Variants in GMNC observed in about 807,000 individuals in gnomAD.
GMNC encodes the protein geminin coiled-coil domain-containing protein 1.
A neutral mutation model predicts 33.6 loss-of-function variants in GMNC; 16 were observed. The observed-to-expected ratio is 0.48, with a 90% CI of 0.32 to 0.72. The LOEUF is 0.72. Ranked by LOEUF, GMNC falls within the 30% of genes least tolerant of loss-of-function variation. GMNC has a pLI of 0.03. For missense variants in GMNC, 393 were observed against 388.9 expected, an observed-to-expected ratio of 1.01 and a Z score of -0.09; for synonymous variants, 156 against 147.3, an observed-to-expected ratio of 1.06 and a Z score of -0.43.
the GMNC span, among the ~76,000 whole-genome samples, chr3:190,846,794 T>C: frequency 6.6e-6 from 1 of 152,234 alleles, no homozygotes; most frequent in Non-Finnish European, 1.5e-5. Flanking sequence ...ATTATCTTTA[T>C]TTTTCACTTT....
intron 4 of GMNC, among the ~76,000 whole-genome samples, chr3:190,857,181 A>T (rs1737764738): frequency 6.6e-6 from 1 of 150,636 alleles, no homozygotes; most frequent in South Asian, 2.1e-4. Context: ...GACTACTGGC[A>T]AGTTATTTAT....
intron 3 of GMNC, among the ~76,000 whole-genome samples, chr3:190,858,394 T>TTAAA (rs1361718119): frequency 5.3e-5 from 8 of 152,102 alleles, no homozygotes; most frequent in South Asian, 2.1e-4. Context: ...CCTTGCATGT[T>TTAAA]TAAATAAATA....
Position 190,858,980 on chromosome 3 carries a change from A to G in GMNC, c.215T>C (p.Leu72Ser). 6.4e-7 allele frequency: 1 copy of G among 1,550,462 alleles called. No individual in the cohort carries two copies. ...FSDSNFPLPD[L>S]CSWEEAQLSS... ...AAGCTGAGCCTCTTCCCATGAGCAC[A>G]AGTCCGGAAGAGGAAAATTTGAGTC... The change falls in exon 3 of 5, where the codon TTG becomes TCG. Residue 72 changes from leucine to serine, a missense_variant. Leu to Ser is a moderately radical substitution (Grantham distance 145). Coordinates refer to ENST00000442080, the MANE Select transcript of GMNC (RefSeq NM_001146686.3).
the GMNC span, among the ~76,000 whole-genome samples, chr3:190,843,970 A>T: frequency 6.6e-6 from 1 of 152,220 alleles, no homozygotes. Flanking sequence ...AGTACTACAT[A>T]ACTAGGCAAT....
chr3:190,851,505 T>C (rs1737633718), downstream of GMNC, among the ~76,000 whole-genome samples: 2 of 152,220 alleles, frequency 1.3e-5, no homozygotes, highest in Non-Finnish European at 2.9e-5. Context: ...ATTATTCCCT[T>C]GCTTTGATTA....
At chr3:190,846,840 T>C in the GMNC span, among the ~76,000 whole-genome samples, 2 of 152,234 alleles carry the variant, frequency 1.3e-5, no homozygotes, top group Non-Finnish European at 2.9e-5. Context: ...AATTACACTT[T>C]CTATTTTGAG....
intron 4 of GMNC, among the ~76,000 whole-genome samples, chr3:190,856,420 A>C (rs992759272): frequency 7.6e-6 from 1 of 130,720 alleles, no homozygotes; most frequent in Non-Finnish European, 1.6e-5. Flanking sequence ...TATATTAATA[A>C]ATATTAATTT....
intron 4 of GMNC, 110 bp downstream of exon 4, chr3:190,857,673 T>C (rs752546753): frequency 7.6e-5 from 44 of 577,198 alleles, no homozygotes; most frequent in Non-Finnish European, 1.2e-4. Context: ...CCATCCATCT[T>C]ATAAATGCAT....
the GMNC span, among the ~76,000 whole-genome samples, chr3:190,845,118 T>C: frequency 6.6e-6 from 1 of 152,166 alleles, no homozygotes; most frequent in Non-Finnish European, 1.5e-5. Context: ...TCCTATTGAT[T>C]GCAGTAATTT....
At position 190,861,573 on chromosome 3, in the gene GMNC, T is replaced by G. The variant is rs1737872648; in HGVS notation, c.4-715A>C. 6.6e-6 allele frequency among the ~76,000 whole-genome samples: 1 copy of G among 152,084 alleles called. No homozygotes were observed. Among genetic ancestry groups the G allele is most frequent in the Non-Finnish European group, 1.5e-5 (1 of 68,028 alleles). ...ACTAAGCACAGGACCACAAAGCTGC[T>G]CCAAGTAAACGTATAATCAAAGCTG... On this transcript the variant is annotated intron_variant, in intron 1 of 4. Transcript: ENST00000442080. This position sits in a 1 kb window ranked among gnomAD's most constrained non-coding sequence, Gnocchi z 5.1.
intron 2 of GMNC, chr3:190,859,674 A>C (rs1737819775): frequency 3.5e-6 from 1 of 289,104 alleles, no homozygotes; most frequent in Admixed American, 4.2e-5. Flanking sequence ...GTTTTTTCAA[A>C]GTGCCTTTTC....
chr3:190,860,425 A>G (rs2108533612), intron 2 of GMNC, among the ~76,000 whole-genome samples: 1 of 152,350 alleles, frequency 6.6e-6, no homozygotes, highest in Non-Finnish European at 1.5e-5. Flanking sequence ...ACACTCCCTC[A>G]GTGAGATAGG....
rs749348846 is a variant in GMNC at position 190,858,974 on chromosome 3, G to A, written c.221C>T (p.Ser74Leu). 6 of 1,550,338 alleles carry A rather than the reference G, an allele frequency of 3.9e-6. No homozygotes were observed. The highest frequency in any genetic ancestry group is 2.7e-5 in the African/African-American group (2 of 73,020). Residue 74 changes from serine to leucine, a missense_variant, in exon 3 of 5, where the codon TCA becomes TTA. By Grantham distance (145) the Ser-to-Leu change is moderately radical. Transcript: ENST00000442080. ...DSNFPLPDLCSWEEAQLSSQL... is the reference protein window; with the variant it reads ...DSNFPLPDLCLWEEAQLSSQL... ...AGAGGAAAGCTGAGCCTCTTCCCAT[G>A]AGCACAAGTCCGGAAGAGGAAAATT...
At chr3:190,849,745 C>A (rs1229445165), downstream of GMNC, among the ~76,000 whole-genome samples, 1 of 152,164 alleles carries the variant, frequency 6.6e-6, no homozygotes, top group Non-Finnish European at 1.5e-5. Context: ...TATCAATTAA[C>A]CACTGATTTC....
At chr3:190,846,074 A>G in the GMNC span, among the ~76,000 whole-genome samples, 1 of 152,036 alleles carries the variant, frequency 6.6e-6, no homozygotes, top group South Asian at 2.1e-4. Context: ...CCAAAAATAC[A>G]CAAATTTAGC....
At chr3:190,857,650 T>C in intron 4 of GMNC, 133 bp downstream of exon 4, 1 of 557,804 alleles carries the variant, frequency 1.8e-6, no homozygotes, top group Non-Finnish European at 3.2e-6. Flanking sequence ...AGCCGTTATT[T>C]CCTTAAGAAA....
the GMNC span, among the ~76,000 whole-genome samples, chr3:190,845,748 C>G: frequency 6.6e-6 from 1 of 151,924 alleles, no homozygotes; most frequent in African/African-American, 2.4e-5. Context: ...GACAAGTGAT[C>G]CGCCTGCCTT....
Position 190,857,852 on chromosome 3 carries a change from G to T in GMNC, c.315C>A (p.His105Gln). 1 of 1,551,092 alleles carries T rather than the reference G, an allele frequency of 6.4e-7. No homozygotes were observed. Among genetic ancestry groups the T allele is most frequent in the Non-Finnish European group, 8.7e-7 (1 of 1,146,454 alleles). ...ATTGTCTGAGGTGATTATTCTCTTC[G>T]TGTAACCTGGCGAGTTCTTCTTCCT... ...VQKEEELARL[H>Q]EENNHLRQYL... The change falls in exon 4 of 5, where the codon CAC becomes CAA. Residue 105 changes from histidine (H) to glutamine (Q), a missense_variant. Coordinates refer to ENST00000442080, the MANE Select transcript of GMNC (RefSeq NM_001146686.3).
In GMNC at chr3:190,854,455, C is replaced by G. The variant is rs1446222193; in HGVS notation, c.*840G>C. On this transcript the variant is annotated 3_prime_UTR_variant, in exon 5 of 5. Transcript: ENST00000442080. ...ATGAATGAATGAGACAATGGCTGAG[C>G]TAGGTTAGTCTATTTTCAGCAATAG... 2 of 151,996 alleles carry G rather than the reference C, an allele frequency of 1.3e-5. No individual in the cohort carries two copies. Among genetic ancestry groups the G allele is most frequent in the Non-Finnish European group, 2.9e-5 (2 of 68,004 alleles). The allele number at this position is 151,996 out of a possible 1,614,324, so 9.4% of individuals were successfully genotyped here. A position where few individuals can be genotyped will look rare whatever the true frequency, so the allele number is the denominator to read the frequency against.
Sources: allele counts gnomAD v4.1 joint callset (sites outside exome capture counted in the v4.1 genomes callset), GRCh38; gene constraint gnomAD v4.1.1; non-coding constraint Gnocchi (gnomAD v3.1); transcripts MANE v1.5; gene names NCBI Gene and HGNC (gene_info 2026-07-23, HGNC 2026-07-21).